Variants in BBS4 observed in about 807,000 individuals in gnomAD.
BBS4 encodes Bardet-Biedl syndrome 4, also known as BBSome complex member BBS4.
Under a neutral mutation model 71.4 loss-of-function variants are expected in BBS4, and 58 were observed. The observed-to-expected ratio is 0.81, with a 90% confidence interval of 0.66 to 1.01. The LOEUF (loss-of-function observed/expected upper bound fraction) is 1.01, where lower values mean the gene tolerates loss of function less well. Among genes scored for constraint, BBS4 ranks in the 50% least tolerant of loss-of-function variants. BBS4 has a pLI of 0.00. For synonymous variants in BBS4, 228 were observed against 216.8 expected (o/e 1.05, Z -0.46); for missense variants, 660 against 607.9 (o/e 1.09, Z -0.90).
chr15:72,726,181 G>A (rs779801805), intron 8 of BBS4, among the ~76,000 whole-genome samples: 4 of 150,598 alleles, frequency 2.7e-5, no homozygotes, highest in Admixed American at 1.3e-4. Flanking sequence ...GCGCGATCTC[G>A]CCTCACTGCA....
chr15:72,715,007 A>C (rs1485791138), intron 4 of BBS4, among the ~76,000 whole-genome samples: 1 of 152,220 alleles, frequency 6.6e-6, no homozygotes, highest in African/African-American at 2.4e-5. Flanking sequence ...AGTTTGTGTG[A>C]TAATTTGCAA....
At chr15:72,688,430 T>TTTTTTTTTTTTTTTTTTTTTC (rs1285460524) in intron 1 of BBS4, among the ~76,000 whole-genome samples, 1 of 144,558 alleles carries the variant, frequency 6.9e-6, no homozygotes, top group African/African-American at 2.6e-5. Flanking sequence ...TTTTTTTTTT[T>TTTTTTTTTTTTTTTTTTTTTC]TGAGACGGAG....
chr15:72,736,027 A>G, intron 14 of BBS4, 61 bp downstream of exon 14: 2 of 1,595,942 alleles, frequency 1.3e-6, no homozygotes, highest in South Asian at 1.1e-5. Flanking sequence ...TTTAAAAATC[A>G]AGCCCAGATC....
At chr15:72,697,637 A>G (rs2151000369) in intron 2 of BBS4, among the ~76,000 whole-genome samples, 1 of 152,364 alleles carries the variant, frequency 6.6e-6, no homozygotes, top group African/African-American at 2.4e-5. Context: ...TGGTAAGTGC[A>G]TAAAGAATTC....
chr15:72,697,120 A>T (rs564157719), intron 2 of BBS4, among the ~76,000 whole-genome samples: 2 of 151,876 alleles, frequency 1.3e-5, no homozygotes, highest in South Asian at 4.2e-4. Flanking sequence ...TTTAGTACAG[A>T]TGGGGTTTCA....
chr15:72,714,344 G>GC (rs1414724160), intron 4 of BBS4, among the ~76,000 whole-genome samples: 4 of 149,166 alleles, frequency 2.7e-5, no homozygotes, highest in East Asian at 2.0e-4. Flanking sequence ...TCCTGCCTCA[G>GC]CCCCCCTATT....
intron 2 of BBS4, among the ~76,000 whole-genome samples, chr15:72,702,812 T>TTTTTA (rs1339569413): frequency 8.2e-6 from 1 of 121,910 alleles, no homozygotes; most frequent in Non-Finnish European, 1.7e-5. Flanking sequence ...CTTTTTTTTT[T>TTTTTA]TTTTTTTTTT....
chr15:72,702,390 C>G (rs547816576), intron 2 of BBS4, among the ~76,000 whole-genome samples: 52 of 152,178 alleles, frequency 3.4e-4, no homozygotes, highest in African/African-American at 1.2e-3. Context: ...TTGCATAACT[C>G]ACTGGCCTTA....
intron 14 of BBS4, 36 bp from the exon 15 acceptor site, chr15:72,736,726 C>T (rs368628070): frequency 3.5e-5 from 56 of 1,608,648 alleles, no homozygotes; most frequent in Middle Eastern, 1.7e-4. Context: ...CTGACAGTCA[C>T]GCTTTTGATT....
At chr15:72,708,202 G>A (rs759031332) in intron 2 of BBS4, among the ~76,000 whole-genome samples, 1 of 152,024 alleles carries the variant, frequency 6.6e-6, no homozygotes, top group Non-Finnish European at 1.5e-5. Context: ...TTCTGACCTC[G>A]TGATCTGCCT....
intron 3 of BBS4, 129 bp from the exon 4 acceptor site, chr15:72,712,115 C>T (rs2065383500): frequency 1.3e-6 from 1 of 746,554 alleles, no homozygotes; most frequent in Non-Finnish European, 2.4e-6. Context: ...AATCTGCCTG[C>T]CTTGGTCTCC....
intron 2 of BBS4, among the ~76,000 whole-genome samples, chr15:72,705,970 A>T (rs978706454): frequency 1.3e-5 from 2 of 152,116 alleles, no homozygotes; most frequent in Non-Finnish European, 2.9e-5. Context: ...CTACTTAGTG[A>T]TATACTAAGT....
chr15:72,734,934 A>T (rs572248018), intron 12 of BBS4, 179 bp from the exon 13 acceptor site: 94 of 622,166 alleles, frequency 1.5e-4, no homozygotes, highest in Non-Finnish European at 2.5e-4. Context: ...GGATGCATAG[A>T]ACCTGGCAAC....
chr15:72,703,241 C>T (rs560561474), intron 2 of BBS4, among the ~76,000 whole-genome samples: 4 of 152,124 alleles, frequency 2.6e-5, no homozygotes, highest in Non-Finnish European at 5.9e-5. Context: ...GCTTCCCTCC[C>T]CGACCTTCAG....
At chr15:72,726,116 CTTCCT>C (rs1470559335) in intron 8 of BBS4, among the ~76,000 whole-genome samples, 2 of 131,146 alleles carry the variant, frequency 1.5e-5, no homozygotes, top group Non-Finnish European at 3.3e-5. Flanking sequence ...CCTTTCTTTC[CTTCCT>C]TTCATTTATT....
At position 72,727,370 on chromosome 15, in the gene BBS4, C is replaced by T. The variant is rs557819205; in HGVS notation, c.588-570C>T. ...ATCCCTGATGTGAGTATTTTACTTA[C>T]ATCAGTGTTTACTCCCAAAGGTCAG... On this transcript the variant is annotated intron_variant, in intron 8 of 15. Transcript: ENST00000268057. Among the ~76,000 whole-genome samples the T allele has an allele frequency of 6.6e-4, 100 of 152,290 alleles. 2 individuals are homozygous for T. The highest frequency in any genetic ancestry group is 3.4e-3 in the Middle Eastern group (1 of 294).
intron 10 of BBS4, among the ~76,000 whole-genome samples, chr15:72,730,300 TA>T (rs959979485): frequency 7.1e-6 from 1 of 141,574 alleles, no homozygotes; most frequent in Non-Finnish European, 1.5e-5. Flanking sequence ...AAATAAAAAA[TA>T]AAAAAAATAA....
chr15:72,703,010 C>CG (rs34386047), intron 2 of BBS4, among the ~76,000 whole-genome samples: 140,722 of 148,704 alleles, frequency 0.95, 67,070 homozygotes, highest in East Asian at 1. Flanking sequence ...GGGGTTTCAC[C>CG]TTTTTTTAGC....
In BBS4 at chr15:72,732,379, TAA is replaced by T. The variant is rs563094615; in HGVS notation, c.1036+654_1036+655del. The stretch of plus-strand genomic sequence containing the variant: ...CAAATACTAAAATTGATCATAAAAA[TAA>T]GTTAAAATTAATCAAACACTTTAAC... On this transcript the variant is annotated intron_variant, in intron 12 of 15. Coordinates refer to ENST00000268057, the MANE Select transcript of BBS4 (RefSeq NM_033028.5). 7.9e-4 allele frequency among the ~76,000 whole-genome samples: 120 copies of T among 152,294 alleles called. 1 individual carries two copies. Among genetic ancestry groups the T allele is most frequent in the African/African-American group, 2.6e-3 (108 of 41,562 alleles).
Sources: gnomAD v4.1 joint callset for allele counts (sites outside exome capture counted in the v4.1 genomes callset) on GRCh38, gnomAD v4.1.1 for gene constraint, MANE v1.5 for transcripts, NCBI Gene and HGNC (gene_info 2026-07-23, HGNC 2026-07-21) for gene names.